The following STC1 variants were observed in gnomAD, a reference collection of about 807,000 sequenced individuals.
The protein encoded by STC1 is stanniocalcin 1, also known as stanniocalcin-1.
Under a neutral mutation model 22.6 loss-of-function variants are expected in STC1, and 7 were observed. The observed-to-expected ratio is 0.31, with a 90% CI of 0.18 to 0.58. The LOEUF (loss-of-function observed/expected upper bound fraction) is 0.58, where lower values mean the gene tolerates loss of function less well. STC1 is among the 20% of genes least tolerant of loss of function. The probability of loss-of-function intolerance (pLI) is 0.89; values close to 1 mark genes in which losing one functional copy is unlikely to be tolerated. For missense variants in STC1, 224 were observed against 311.0 expected, an observed-to-expected ratio of 0.72 and a Z score of 2.10; for synonymous variants, 113 against 120.7, an observed-to-expected ratio of 0.94 and a Z score of 0.42.
intron 1 of STC1, among the ~76,000 whole-genome samples, chr8:23,853,857 G>A (rs1362410069): frequency 6.6e-6 from 1 of 152,058 alleles, no homozygotes; most frequent in Non-Finnish European, 1.5e-5. Flanking sequence ...CAGCAGGGTT[G>A]GGGGTGGGAT....
intron 3 of STC1, among the ~76,000 whole-genome samples, chr8:23,845,825 CCTT>C (rs1452017368): frequency 2.6e-5 from 4 of 152,250 alleles, no homozygotes; most frequent in South Asian, 2.1e-4. Flanking sequence ...ATTCATGAAT[CCTT>C]CTTCTACTAT....
chr8:23,854,462 G>A lies in STC1; in HGVS notation c.62C>T (p.Ala21Val), dbSNP rs149219986. 13 of 1,613,984 alleles carry A rather than the reference G, an allele frequency of 8.1e-6. No homozygotes were observed. The highest frequency in any genetic ancestry group is 4.0e-5 in the African/African-American group (3 of 74,900). ...GGGGCTCACAGAGTCATTCTGCTCCGCCTCATGGGTTGCAGAAGCACTGAT... is the reference window on the plus strand; with the variant it reads ...GGGGCTCACAGAGTCATTCTGCTCCACCTCATGGGTTGCAGAAGCACTGAT... ...LVISASATHE[A>V]EQNDSVSPRK... Residue 21 changes from alanine (A) to valine (V), a missense_variant, in exon 1 of 4, where the codon GCG becomes GTG. Physicochemically the swap from Ala to Val is moderately conservative, Grantham distance 64. Coordinates refer to ENST00000290271, the MANE Select transcript of STC1 (RefSeq NM_003155.3).
At chr8:23,851,662 G>A in intron 2 of STC1, 131 bp from the exon 3 acceptor site, 1 of 692,480 alleles carries the variant, frequency 1.4e-6, no homozygotes, top group South Asian at 2.0e-5. Context: ...CTTGCAATGA[G>A]AAGATTGCAT....
At position 23,844,710 on chromosome 8, in the gene STC1, G is replaced by A. The variant is rs1259559648; in HGVS notation, c.*60C>T. On this transcript the variant is annotated 3_prime_UTR_variant, in exon 4 of 4. Transcript: ENST00000290271. ...ACCAGGCACAGTACACTCAAAACTG[G>A]TGTGTCAACACCCCTAAAATGATAC... 1.9e-6 allele frequency: 3 copies of A among 1,576,232 alleles called. No homozygotes were observed. Among genetic ancestry groups the A allele is most frequent in the South Asian group, 2.3e-5 (2 of 87,764 alleles).
chr8:23,846,626 T>C (rs991638455), intron 3 of STC1, among the ~76,000 whole-genome samples: 1 of 152,200 alleles, frequency 6.6e-6, no homozygotes, highest in East Asian at 1.9e-4. Flanking sequence ...TGAGGTGATA[T>C]GGTCACCCTT....
intron 3 of STC1, among the ~76,000 whole-genome samples, chr8:23,849,540 G>A (rs1802612406): frequency 6.6e-6 from 1 of 152,098 alleles, no homozygotes; most frequent in African/African-American, 2.4e-5. Context: ...TAATAGCCTG[G>A]TTAAAAATTT....
At position 23,844,825 on chromosome 8, in the gene STC1, C is replaced by T. The variant is rs186655647; in HGVS notation, c.689G>A (p.Arg230Gln). The T allele has an allele frequency of 3.5e-5, 57 of 1,614,054 alleles. No individual in the cohort carries two copies. The highest frequency in any genetic ancestry group is 3.3e-4 in the Middle Eastern group (2 of 6,060). Residue 230 changes from arginine to glutamine, a missense_variant, in exon 4 of 4, where the codon CGA becomes CAA. Arg to Gln is a conservative substitution (Grantham distance 43, BLOSUM62 1). Coordinates refer to ENST00000290271, the MANE Select transcript of STC1 (RefSeq NM_003155.3). ...QKLKVLLRNL[R>Q]GEEDSPSHIK... Reference sequence around the variant, plus strand: ...GTGGGAGGGAGAGTCCTCCTCACCTCGGAGGTTCCTGAGGAGGACTTTCAG... The same window carrying T: ...GTGGGAGGGAGAGTCCTCCTCACCTTGGAGGTTCCTGAGGAGGACTTTCAG...
At position 23,854,448 on chromosome 8, in the gene STC1, A is replaced by G; in HGVS notation, c.76T>C (p.Ser26Pro). ...ACTCGGGATTTCCTGGGGCTCACAG[A>G]GTCATTCTGCTCCGCCTCATGGGTT... ...SATHEAEQND[S>P]VSPRKSRVAA... is the part of the protein sequence containing the mutation. The change falls in exon 1 of 4, where the codon TCT becomes CCT. Residue 26 changes from serine (S) to proline (P), a missense_variant. Transcript: ENST00000290271. 6.2e-7 allele frequency: 1 copy of G among 1,614,064 alleles called. No individual in the cohort carries two copies. Among genetic ancestry groups the G allele is most frequent in the Non-Finnish European group, 8.5e-7 (1 of 1,180,036 alleles).
At chr8:23,850,912 CTTT>C (rs56311630) in intron 3 of STC1, among the ~76,000 whole-genome samples, 4 of 89,466 alleles carry the variant, frequency 4.5e-5, no homozygotes, top group Non-Finnish European at 6.3e-5. Flanking sequence ...AACCAGAGGG[CTTT>C]TTTTTTTTTT....
At chr8:23,852,083 C>T (rs372326067) in intron 2 of STC1, among the ~76,000 whole-genome samples, 159 bp downstream of exon 2, 1 of 148,346 alleles carries the variant, frequency 6.7e-6, no homozygotes, top group African/African-American at 2.5e-5. Flanking sequence ...TGTGTGTGTG[C>T]ATGCACACAC....
intron 1 of STC1, 22 bp downstream of exon 1, chr8:23,854,384 C>G: frequency 6.2e-7 from 1 of 1,605,730 alleles, no homozygotes; most frequent in Non-Finnish European, 8.5e-7. Context: ...GGGGAGAAAC[C>G]GCTCTTGGGT....
Position 23,846,903 on chromosome 8 carries a change from A to G in STC1, c.474-1863T>C, listed in dbSNP as rs541936370. 4.1e-4 allele frequency among the ~76,000 whole-genome samples: 62 copies of G among 152,314 alleles called. 1 individual carries two copies. The highest frequency in any genetic ancestry group is 7.8e-4 in the Admixed American group (12 of 15,306). On this transcript the variant is annotated intron_variant, in intron 3 of 3. Coordinates refer to ENST00000290271, the MANE Select transcript of STC1 (RefSeq NM_003155.3). ...AACAACTTTGCACCAGCAGCTTCTG[A>G]CATCTACACACCCATATAGATCTCC...
chr8:23,846,474 C>T (rs909341045), intron 3 of STC1, among the ~76,000 whole-genome samples: 2 of 152,186 alleles, frequency 1.3e-5, no homozygotes, highest in African/African-American at 4.8e-5. Context: ...ATCTCTGGGG[C>T]CACCAGGTCT....
intron 3 of STC1, among the ~76,000 whole-genome samples, chr8:23,846,966 G>A (rs1471669507): frequency 3.3e-5 from 5 of 152,166 alleles, no homozygotes; most frequent in Non-Finnish European, 7.3e-5. Flanking sequence ...TAGGACCTGG[G>A]TCTTTGGATG....
chr8:23,847,639 G>A (rs915534365), intron 3 of STC1, among the ~76,000 whole-genome samples: 1 of 152,230 alleles, frequency 6.6e-6, no homozygotes, highest in African/African-American at 2.4e-5. Flanking sequence ...GTAAGGGCTG[G>A]AATAGCCATT....
In STC1 at chr8:23,844,486, A is replaced by T; in HGVS notation, c.*284T>A. 2.3e-6 allele frequency: 1 copy of T among 441,994 alleles called. No individual in the cohort carries two copies. The highest frequency in any genetic ancestry group is 4.1e-5 in the East Asian group (1 of 24,388). The allele number at this position is 441,994 out of a possible 1,614,324, so 27.4% of individuals were successfully genotyped here. On this transcript the variant is annotated 3_prime_UTR_variant, in exon 4 of 4. Transcript: ENST00000290271. ...ATGTTTTGTGTTTGGGGGTGGTCTC[A>T]GGGGAGCAGGGGAAAAACATGGCAG...
In STC1 at chr8:23,854,664, G is replaced by A; in HGVS notation, c.-141C>T. 1.2e-6 allele frequency: 1 copy of A among 814,252 alleles called. No homozygotes were observed. The highest frequency in any genetic ancestry group is 2.1e-6 in the Non-Finnish European group (1 of 472,308). The allele number at this position is 814,252 out of a possible 1,614,324, so 50.4% of individuals were successfully genotyped here. The stretch of plus-strand genomic sequence containing the variant: ...GAGGATTTGATGAGGATTTTTTTTT[G>A]TTGTTGTTGCTGGTGATGCTGCTGC... On this transcript the variant is annotated 5_prime_UTR_variant, in exon 1 of 4. Transcript: ENST00000290271.
intron 2 of STC1, 95 bp downstream of exon 2, chr8:23,852,147 G>A (rs1183197119): frequency 3.3e-6 from 5 of 1,507,404 alleles, no homozygotes; most frequent in Admixed American, 1.7e-5. Context: ...TGAGAAGCAG[G>A]GCTGGTTCCC....
rs1388635477 is a variant in STC1, at chr8:23,843,492, A to G, written c.*1278T>C. 6.6e-6 allele frequency: 1 copy of G among 152,522 alleles called. No individual in the cohort carries two copies. Among genetic ancestry groups the G allele is most frequent in the Non-Finnish European group, 1.5e-5 (1 of 68,020 alleles). The allele number at this position is 152,522 out of a possible 1,614,324, so 9.4% of individuals were successfully genotyped here. ...TAAAGACCTAAAGGCTGATTGACTC[A>G]TTCCTGATTGATTTAATGGAAAGTC... On this transcript the variant is annotated 3_prime_UTR_variant, in exon 4 of 4. Transcript: ENST00000290271.
Sources: allele counts gnomAD v4.1 joint callset (sites outside exome capture counted in the v4.1 genomes callset), GRCh38; gene constraint gnomAD v4.1.1; transcripts MANE v1.5; gene names NCBI Gene and HGNC (gene_info 2026-07-23, HGNC 2026-07-21).